The following CADM2 variants were observed in gnomAD, a reference collection of about 807,000 sequenced individuals.
CADM2 encodes cell adhesion molecule 2, also known as immunoglobulin superfamily member 4D.
CADM2 carries 12 observed loss-of-function variants against 49.8 expected under a neutral mutation model. The ratio of observed to expected loss-of-function variants is 0.24; its 90% CI spans 0.15 to 0.39. CADM2 has a LOEUF of 0.39. Ranked by LOEUF, CADM2 falls within the 10% of genes least tolerant of loss-of-function variation. The pLI is 1.00. For synonymous variants in CADM2, 214 were observed against 175.4 expected, an observed-to-expected ratio of 1.22 and a Z score of -1.74; for missense variants, 378 against 492.3, an observed-to-expected ratio of 0.77 and a Z score of 2.20.
chr3:85,836,157 C>T (rs1237143108), intron 3 of CADM2, among the ~76,000 whole-genome samples: 5 of 151,460 alleles, frequency 3.3e-5, no homozygotes, highest in Non-Finnish European at 1.5e-5. Flanking sequence ...TTTATCATCA[C>T]TTATTTAAAG....
At chr3:85,047,245 C>T (rs184929642) in intron 1 of CADM2, among the ~76,000 whole-genome samples, 4 of 152,254 alleles carry the variant, frequency 2.6e-5, no homozygotes, top group Admixed American at 1.3e-4. Flanking sequence ...AGAGCAAGAA[C>T]ACCCTTGCTG....
chr3:85,431,279 A>G (rs2036651127), intron 1 of CADM2, among the ~76,000 whole-genome samples: 1 of 152,124 alleles, frequency 6.6e-6, no homozygotes, highest in Non-Finnish European at 1.5e-5. Flanking sequence ...GCCTAACAAT[A>G]CATTTTTGAG....
intron 1 of CADM2, among the ~76,000 whole-genome samples, chr3:85,442,623 T>A (rs1321231806): frequency 1.2e-5 from 1 of 86,046 alleles, no homozygotes; most frequent in Admixed American, 1.4e-4. Flanking sequence ...TATATATATA[T>A]ATATATATAT....
At chr3:85,324,680 C>A (rs1412209673) in intron 1 of CADM2, among the ~76,000 whole-genome samples, 1 of 152,130 alleles carries the variant, frequency 6.6e-6, no homozygotes, top group Admixed American at 6.5e-5. Flanking sequence ...TTATTCTATC[C>A]AGAAAGAGAA....
chr3:85,675,755 G>C (rs1559586227), intron 1 of CADM2, among the ~76,000 whole-genome samples: 1 of 152,110 alleles, frequency 6.6e-6, no homozygotes, highest in Non-Finnish European at 1.5e-5. Context: ...TAATCATAGA[G>C]GGTGTACTTT....
chr3:86,052,577 A>G (rs1056420406), intron 8 of CADM2, among the ~76,000 whole-genome samples: 6 of 152,250 alleles, frequency 3.9e-5, no homozygotes, highest in African/African-American at 1.4e-4. Context: ...GTGCTTTGTA[A>G]CAATGATGTA....
At chr3:85,237,016 A>G (rs147833172) in intron 1 of CADM2, among the ~76,000 whole-genome samples, 423 of 152,180 alleles carry the variant, frequency 2.8e-3, no homozygotes, top group Middle Eastern at 6.8e-3. Flanking sequence ...ATAATTGTGG[A>G]TATTTATTAA....
At chr3:84,962,705 T>A (rs930231877) in intron 1 of CADM2, among the ~76,000 whole-genome samples, 6 of 152,192 alleles carry the variant, frequency 3.9e-5, no homozygotes, top group African/African-American at 1.2e-4. Flanking sequence ...TTCTTTTTTT[T>A]AGCTTTATCA....
At chr3:85,703,182 G>T (rs1296457107) in intron 1 of CADM2, among the ~76,000 whole-genome samples, 1 of 152,018 alleles carries the variant, frequency 6.6e-6, no homozygotes, top group Non-Finnish European at 1.5e-5. Flanking sequence ...AAGTGAAAAG[G>T]CAGGAAGAAG....
chr3:85,681,056 A>G (rs898521234), intron 1 of CADM2, among the ~76,000 whole-genome samples: 1 of 152,180 alleles, frequency 6.6e-6, no homozygotes, highest in Non-Finnish European at 1.5e-5. Context: ...TTGTGTTAAC[A>G]GGGCTCTTTT....
intron 8 of CADM2, chr3:86,012,504 G>C: frequency 8.8e-7 from 1 of 1,130,982 alleles, no homozygotes. Flanking sequence ...ACCAGCGGGC[G>C]GACTGCCCTG....
intron 1 of CADM2, among the ~76,000 whole-genome samples, chr3:85,442,632 A>ATG (rs1228315573): frequency 6.0e-5 from 8 of 134,144 alleles, no homozygotes; most frequent in African/African-American, 2.3e-4. Flanking sequence ...ATATATATAT[A>ATG]TGAATATTGC....
In CADM2 at chr3:85,474,994, C is replaced by T. The variant is rs542091297; in HGVS notation, c.62-251528C>T. On this transcript the variant is annotated intron_variant, in intron 1 of 9. Coordinates refer to ENST00000383699, the MANE Select transcript of CADM2 (RefSeq NM_001167675.2). ...GAGCAAAATCACAGTAACACACCAC[C>T]GGCACAATCATGAAACTCTCAGATC... Among the ~76,000 whole-genome samples the T allele has an allele frequency of 5.9e-5, 9 of 151,812 alleles. No homozygotes were observed. The South Asian group carries it at 6.2e-4, about 11-fold the overall frequency.
At chr3:85,758,165 T>C (rs533731448) in intron 2 of CADM2, among the ~76,000 whole-genome samples, 2 of 152,116 alleles carry the variant, frequency 1.3e-5, no homozygotes, top group Non-Finnish European at 2.9e-5. Context: ...AGCACCAGGT[T>C]GGTACTGTCA....
chr3:85,493,947 G>A (rs1177663578), intron 1 of CADM2, among the ~76,000 whole-genome samples: 2 of 152,078 alleles, frequency 1.3e-5, no homozygotes, highest in Admixed American at 6.5e-5. Flanking sequence ...ATTTCATGGA[G>A]AAATAAATCC....
intron 1 of CADM2, among the ~76,000 whole-genome samples, chr3:85,373,460 G>A (rs1266150934): frequency 6.6e-6 from 1 of 152,142 alleles, no homozygotes; most frequent in Non-Finnish European, 1.5e-5. Context: ...ACAGGCTGAT[G>A]TTGAGTGTCT....
chr3:86,066,777 C>T lies in CADM2; in HGVS notation c.1209C>T (p.Phe403=), dbSNP rs1486691794. The change falls in exon 10 of 10, where the codon TTC becomes TTT. Residue 403 remains phenylalanine (F), a synonymous_variant. Coordinates refer to ENST00000383699, the MANE Select transcript of CADM2 (RefSeq NM_001167675.2). ...QVNAEEKKEY[F]I ...ATGCTGAAGAGAAAAAAGAGTATTT[C>T]ATTTAAGATGCAGGCCAAGATTCTG... 6.2e-7 allele frequency: 1 copy of T among 1,601,612 alleles called. No individual in the cohort carries two copies. The highest frequency in any genetic ancestry group is 8.6e-7 in the Non-Finnish European group (1 of 1,168,686).
chr3:86,053,672 G>A (rs1737598601), intron 8 of CADM2, among the ~76,000 whole-genome samples: 1 of 151,878 alleles, frequency 6.6e-6, no homozygotes, highest in African/African-American at 2.4e-5. Flanking sequence ...TCTTATGCTG[G>A]TCTAATTCAG....
intron 1 of CADM2, among the ~76,000 whole-genome samples, chr3:85,124,081 C>T (rs1281510392): frequency 1.3e-5 from 2 of 152,140 alleles, no homozygotes; most frequent in Admixed American, 1.3e-4. Context: ...ATTAGGTCCC[C>T]TGTGTTTGCT....
Sources: allele counts gnomAD v4.1 joint callset (sites outside exome capture counted in the v4.1 genomes callset), GRCh38; gene constraint gnomAD v4.1.1; transcripts MANE v1.5; gene names NCBI Gene and HGNC (gene_info 2026-07-23, HGNC 2026-07-21).